The following EEF2K variants were observed in gnomAD, a reference collection of about 807,000 sequenced individuals.
The protein encoded by EEF2K is alternative protein EEF2K.
EEF2K carries 70 observed loss-of-function variants against 93.8 expected under a neutral mutation model. The observed-to-expected ratio is 0.75, with a 90% CI of 0.62 to 0.91. The LOEUF (loss-of-function observed/expected upper bound fraction) is 0.91, where lower values mean the gene tolerates loss of function less well. Ranked by LOEUF, EEF2K falls within the 40% of genes least tolerant of loss-of-function variation. The probability of loss-of-function intolerance (pLI) is 0.00; values close to 1 mark genes in which losing one functional copy is unlikely to be tolerated. For synonymous variants in EEF2K, 376 were observed against 380.8 expected (o/e 0.99, Z 0.15); for missense variants, 935 against 972.9 (o/e 0.96, Z 0.52).
rs1167843958 is a variant in EEF2K, at chr16:22,285,176, A to C, written c.*1180A>C. On this transcript the variant is annotated 3_prime_UTR_variant, in exon 18 of 18. Transcript: ENST00000263026. Reference sequence around the variant, plus strand: ...TTCTCCAAGCAGACCCACACTCTGCATCTCAGTGGCAGCTCCCACAACGTG... The same window carrying C: ...TTCTCCAAGCAGACCCACACTCTGCCTCTCAGTGGCAGCTCCCACAACGTG... The C allele has an allele frequency of 6.6e-6, 1 of 152,498 alleles. No individual in the cohort carries two copies. Among genetic ancestry groups the C allele is most frequent in the African/African-American group, 2.4e-5 (1 of 41,424 alleles). The allele number at this position is 152,498 out of a possible 1,614,324, so 9.4% of individuals were successfully genotyped here. A position where few individuals can be genotyped will look rare whatever the true frequency, so the allele number is the denominator to read the frequency against.
Position 22,225,733 on chromosome 16 carries a change from G to A in EEF2K, c.4G>A (p.Ala2Thr). 1 of 1,614,040 alleles carries A rather than the reference G, an allele frequency of 6.2e-7. No homozygotes were observed. Among genetic ancestry groups the A allele is most frequent in the Non-Finnish European group, 8.5e-7 (1 of 1,179,972 alleles). The change falls in exon 2 of 18, where the codon GCA (alanine) becomes ACA (threonine). Residue 2 changes from alanine to threonine, a missense_variant. By Grantham distance (58) the Ala-to-Thr change is moderately conservative. Coordinates refer to ENST00000263026, the MANE Select transcript of EEF2K (RefSeq NM_013302.5). M[A>T]DEDLIFRLEG... ...GTAAAACGGGCACCCCAGGAACATG[G>A]CAGACGAAGATCTCATCTTCCGCCT...
chr16:22,271,391 A>AT (rs1220503805), intron 15 of EEF2K, among the ~76,000 whole-genome samples: 1 of 152,082 alleles, frequency 6.6e-6, no homozygotes, highest in African/African-American at 2.4e-5. Context: ...AATTTTGCTA[A>AT]TTTAAAGAAT....
chr16:22,257,239 C>T lies in EEF2K; in HGVS notation c.769-14C>T, dbSNP rs1301173642. 1 of 1,614,024 alleles carries T rather than the reference C, an allele frequency of 6.2e-7. No individual in the cohort carries two copies. The highest frequency in any genetic ancestry group is 1.1e-5 in the South Asian group (1 of 91,070). ...TGTCTCTTGACATCTCGTTTTCCTTCCTGTCCCCTGTAGGCCTTCAGCCAC... is the reference window on the plus strand; with the variant it reads ...TGTCTCTTGACATCTCGTTTTCCTTTCTGTCCCCTGTAGGCCTTCAGCCAC... On this transcript the variant is annotated splice_polypyrimidine_tract_variant and intron_variant, in intron 7 of 17. Transcript: ENST00000263026.
chr16:22,260,840 A>G (rs2047455762), intron 11 of EEF2K, among the ~76,000 whole-genome samples: 1 of 152,166 alleles, frequency 6.6e-6, no homozygotes, highest in Non-Finnish European at 1.5e-5. Context: ...TTGACCCCAC[A>G]TGTGTTGGTT....
intron 1 of EEF2K, among the ~76,000 whole-genome samples, chr16:22,223,183 G>GTATGTCA (rs1371584342): frequency 2.7e-5 from 4 of 150,864 alleles, no homozygotes; most frequent in African/African-American, 2.4e-5. Flanking sequence ...ATATTGTAGT[G>GTATGTCA]TATGTCAGCA....
At position 22,266,512 on chromosome 16, in the gene EEF2K, C is replaced by T. The variant is rs779467212; in HGVS notation, c.1563C>T (p.Ser521=). 1.9e-6 allele frequency: 3 copies of T among 1,614,198 alleles called. No individual in the cohort carries two copies. In the Admixed American group the frequency reaches 5.0e-5, roughly 27 times the overall value. Residue 521 remains serine, a synonymous_variant, in exon 14 of 18, where the codon TCC becomes TCT. Coordinates refer to ENST00000263026, the MANE Select transcript of EEF2K (RefSeq NM_013302.5). ...ALDLEKKIGK[S]ILGKVHLAMV... ...ACCTCGAAAAGAAAATCGGGAAGTCCATTTTGGGGAAGGTATCGGCGATGC... is the reference window on the plus strand; with the variant it reads ...ACCTCGAAAAGAAAATCGGGAAGTCTATTTTGGGGAAGGTATCGGCGATGC...
chr16:22,233,858 C>A (rs1347066208), intron 2 of EEF2K, among the ~76,000 whole-genome samples: 5 of 152,136 alleles, frequency 3.3e-5, no homozygotes, highest in Non-Finnish European at 4.4e-5. Context: ...CTCAAGTGAT[C>A]CTCCCACCTC....
chr16:22,241,112 A>C (rs2047218079), intron 2 of EEF2K, among the ~76,000 whole-genome samples: 1 of 152,100 alleles, frequency 6.6e-6, no homozygotes, highest in Non-Finnish European at 1.5e-5. Flanking sequence ...AGGCATAGGA[A>C]AAAATTTTGC....
In EEF2K at chr16:22,285,913, C is replaced by G. The variant is rs182350887; in HGVS notation, c.*1917C>G. 2.6e-5 allele frequency: 4 copies of G among 152,088 alleles called. No homozygotes were observed. The highest frequency in any genetic ancestry group is 9.7e-5 in the African/African-American group (4 of 41,408). The allele number at this position is 152,088 out of a possible 1,614,324, so 9.4% of individuals were successfully genotyped here. On this transcript the variant is annotated 3_prime_UTR_variant, in exon 18 of 18. Transcript: ENST00000263026. Reference sequence around the variant, plus strand: ...CTCACTGTGTTGCCCAGGCTGGTCTCGAACTCCTGGACTTAAGTGAGCCTC... The same window carrying G: ...CTCACTGTGTTGCCCAGGCTGGTCTGGAACTCCTGGACTTAAGTGAGCCTC...
chr16:22,266,640 G>T (rs762014087), intron 14 of EEF2K, 48 bp from the exon 15 acceptor site: 2 of 1,586,516 alleles, frequency 1.3e-6, no homozygotes, highest in Middle Eastern at 1.8e-4. Context: ...CTTGGGTGCG[G>T]CTTTGGCCCG....
chr16:22,269,787 G>A (rs140385473), intron 15 of EEF2K, among the ~76,000 whole-genome samples: 140 of 152,086 alleles, frequency 9.2e-4, no homozygotes, highest in African/African-American at 3.1e-3. Flanking sequence ...GATATTGTTC[G>A]GCCCAGTACA....
At chr16:22,215,601 T>C (rs1444295740) in intron 1 of EEF2K, among the ~76,000 whole-genome samples, 1 of 152,178 alleles carries the variant, frequency 6.6e-6, no homozygotes, top group Non-Finnish European at 1.5e-5. Flanking sequence ...ATGCTTGACT[T>C]AATCACTCCT....
intron 15 of EEF2K, among the ~76,000 whole-genome samples, chr16:22,269,119 A>G (rs901930253): frequency 2.6e-5 from 4 of 152,160 alleles, no homozygotes; most frequent in Non-Finnish European, 4.4e-5. Flanking sequence ...CAGTTGGCTT[A>G]TAACAACAGA....
At chr16:22,255,446 C>G (rs1201722777) in intron 6 of EEF2K, among the ~76,000 whole-genome samples, 1 of 152,102 alleles carries the variant, frequency 6.6e-6, no homozygotes, top group African/African-American at 2.4e-5. Flanking sequence ...AATTCTGGCT[C>G]CCAAGCAGAG....
intron 13 of EEF2K, 86 bp downstream of exon 13, chr16:22,264,966 C>A: frequency 6.7e-7 from 1 of 1,497,150 alleles, no homozygotes; most frequent in Non-Finnish European, 9.2e-7. Context: ...CATATCTCTG[C>A]TGCCTGCCCA....
At position 22,219,600 on chromosome 16, in the gene EEF2K, C is replaced by T. The variant is rs116250225; in HGVS notation, c.-76-6054C>T. On this transcript the variant is annotated intron_variant, in intron 1 of 17. Transcript: ENST00000263026. ...CTCTGATTGCACAATTTTACTCCAG[C>T]CTGGGCAGCAGAACAAGACCCTTTC... Among the ~76,000 whole-genome samples, 1,196 of 152,216 alleles carry T rather than the reference C, an allele frequency of 7.9e-3. 17 individuals are homozygous for T. The highest frequency in any genetic ancestry group is 0.027 in the African/African-American group (1,109 of 41,520).
In EEF2K at chr16:22,257,675, C is replaced by G. The variant is rs1196464366; in HGVS notation, c.934C>G (p.His312Asp). The change falls in exon 9 of 18, where the codon CAT becomes GAT. Residue 312 changes from histidine to aspartate, a missense_variant. Coordinates refer to ENST00000263026, the MANE Select transcript of EEF2K (RefSeq NM_013302.5). ...CGGGATGGCGCTCTTCTTCTACTCT[C>G]ATGCCTGCAACCGGATTTGCGAGAG... ...VRGMALFFYS[H>D]ACNRICESMG... 1.9e-6 allele frequency: 3 copies of G among 1,613,836 alleles called. No homozygotes were observed. The highest frequency in any genetic ancestry group is 2.7e-5 in the African/African-American group (2 of 74,948).
chr16:22,215,063 G>A (rs1022995495), intron 1 of EEF2K, among the ~76,000 whole-genome samples: 3 of 152,218 alleles, frequency 2.0e-5, no homozygotes, highest in Admixed American at 1.3e-4. Flanking sequence ...TGTGGAATGC[G>A]ACCAATCAGA....
intron 1 of EEF2K, among the ~76,000 whole-genome samples, chr16:22,209,829 G>T (rs1441321083): frequency 6.6e-6 from 1 of 152,216 alleles, no homozygotes; most frequent in African/African-American, 2.4e-5. Flanking sequence ...GTCTTGCTCT[G>T]TCACCCAGGC....
Sources: allele counts gnomAD v4.1 joint callset (sites outside exome capture counted in the v4.1 genomes callset), GRCh38; gene constraint gnomAD v4.1.1; transcripts MANE v1.5; gene names NCBI Gene and HGNC (gene_info 2026-07-23, HGNC 2026-07-21).